Variants in SERPINF2 observed in about 807,000 individuals in gnomAD.
The protein encoded by SERPINF2 is serpin family F member 2.
In SERPINF2, 15 loss-of-function variants were observed where a neutral mutation model predicts 45.0. The ratio of observed to expected loss-of-function variants is 0.33; its 90% CI spans 0.22 to 0.51. The LOEUF (loss-of-function observed/expected upper bound fraction) is 0.51, where lower values mean the gene tolerates loss of function less well. Ranked by LOEUF, SERPINF2 falls within the 20% of genes least tolerant of loss-of-function variation. SERPINF2 has a pLI of 0.97. For synonymous variants in SERPINF2, 283 were observed against 277.9 expected (o/e 1.02, Z -0.18); for missense variants, 518 against 637.4 (o/e 0.81, Z 2.02).
intron 9 of SERPINF2, among the ~76,000 whole-genome samples, chr17:1,753,685 C>A (rs760410809): frequency 6.6e-6 from 1 of 151,114 alleles, no homozygotes; most frequent in Non-Finnish European, 1.5e-5. Context: ...GACTCCATCT[C>A]AAAAAAAAAT....
In SERPINF2 at chr17:1,754,455, G is replaced by A. The variant is rs577213142; in HGVS notation, c.1397G>A (p.Gly466Glu). 323 of 1,608,782 alleles carry A rather than the reference G, an allele frequency of 2.0e-4. 1 individual carries two copies. In the South Asian group the frequency reaches 3.4e-3, roughly 17 times the overall value. Residue 466 changes from glycine to glutamate, a missense_variant, in exon 10 of 10, where the codon GGA becomes GAA. By Grantham distance (98) the Gly-to-Glu change is moderately conservative. Coordinates refer to ENST00000453066, the MANE Select transcript of SERPINF2 (RefSeq NM_000934.4). ...CAGAGCCTGAAAGGCTTCCCCCGCGGAGACAAGCTTTTCGGCCCTGACTTA... is the reference window on the plus strand; with the variant it reads ...CAGAGCCTGAAAGGCTTCCCCCGCGAAGACAAGCTTTTCGGCCCTGACTTA... ...FLQSLKGFPR[G>E]DKLFGPDLKL...
intron 9 of SERPINF2, 57 bp downstream of exon 9, chr17:1,752,847 A>G: frequency 6.7e-7 from 1 of 1,481,898 alleles, no homozygotes; most frequent in Non-Finnish European, 9.2e-7. Context: ...GCGGGTAAGG[A>G]GGAAGCGTCT....
chr17:1,750,217 C>T (rs1047203771), intron 8 of SERPINF2, among the ~76,000 whole-genome samples: 2 of 152,252 alleles, frequency 1.3e-5, no homozygotes, highest in African/African-American at 2.4e-5. Context: ...GGTGCAATCT[C>T]GGTTCACTGC....
intron 1 of SERPINF2, 197 bp from the exon 2 acceptor site, chr17:1,744,795 A>G (rs1292065254): frequency 1.0e-6 from 1 of 985,298 alleles, no homozygotes; most frequent in East Asian, 1.1e-4. Flanking sequence ...AAAGGGGGAG[A>G]AGCCAGGGCG....
Position 1,747,305 on chromosome 17 carries a change from G to C in SERPINF2, c.512-4G>C. ...TGGGAACAGCTTGTGCTGCCTCCGT[G>C]CAGGATTTCCCATCAAAGAAGATTT... On this transcript the variant is annotated splice_polypyrimidine_tract_variant and splice_region_variant and intron_variant, in intron 6 of 9. Transcript: ENST00000453066. 1 of 1,613,742 alleles carries C rather than the reference G, an allele frequency of 6.2e-7. No homozygotes were observed. Among genetic ancestry groups the C allele is most frequent in the East Asian group, 2.2e-5 (1 of 44,886 alleles).
Position 1,747,447 on chromosome 17 carries a change from A to C in SERPINF2, c.650A>C (p.Gln217Pro). 2.5e-6 allele frequency: 4 copies of C among 1,614,190 alleles called. No homozygotes were observed. The highest frequency in any genetic ancestry group is 3.4e-6 in the Non-Finnish European group (4 of 1,180,036). ...AAGGAGGCCACGGAGGGGAAGATTC[A>C]GGAATTCCTCTCTGGGCTGCCGGAA... ...WVKEATEGKI[Q>P]EFLSGLPEDT... is the part of the protein sequence containing the mutation. Residue 217 changes from glutamine to proline, a missense_variant, in exon 7 of 10, where the codon CAG becomes CCG. Coordinates refer to ENST00000453066, the MANE Select transcript of SERPINF2 (RefSeq NM_000934.4).
At chr17:1,751,322 G>A (rs560434851) in intron 8 of SERPINF2, among the ~76,000 whole-genome samples, 2 of 151,936 alleles carry the variant, frequency 1.3e-5, no homozygotes, top group Non-Finnish European at 2.9e-5. Context: ...GATGGTGAGC[G>A]CCTGTAGTCC....
At position 1,745,411 on chromosome 17, in the gene SERPINF2, G is replaced by C; in HGVS notation, c.165+16G>C. 1 of 1,611,860 alleles carries C rather than the reference G, an allele frequency of 6.2e-7. No homozygotes were observed. On this transcript the variant is annotated intron_variant, in intron 4 of 9. Transcript: ENST00000453066. This position sits in a 1 kb window ranked among gnomAD's most constrained non-coding sequence, Gnocchi z 6.2. Reference sequence around the variant, plus strand: ...GGGCAACCAGGTACAACCAGGTGGGGCTGGGGAAGAGTGGGCGGGGCTAGA... The same window carrying C: ...GGGCAACCAGGTACAACCAGGTGGGCCTGGGGAAGAGTGGGCGGGGCTAGA...
chr17:1,750,549 A>T (rs1906294380), intron 8 of SERPINF2, among the ~76,000 whole-genome samples: 1 of 151,958 alleles, frequency 6.6e-6, no homozygotes, highest in Non-Finnish European at 1.5e-5. Flanking sequence ...TGGCCTCCCA[A>T]AGTGCTGGGA....
At chr17:1,753,367 C>G (rs1285638416) in intron 9 of SERPINF2, among the ~76,000 whole-genome samples, 2 of 152,048 alleles carry the variant, frequency 1.3e-5, no homozygotes, top group African/African-American at 2.4e-5. Context: ...CCAGCCTCAG[C>G]AAAAGAACTA....
At position 1,748,693 on chromosome 17, in the gene SERPINF2, C is replaced by G; in HGVS notation, c.811C>G (p.Arg271Gly). 2 of 1,574,482 alleles carry G rather than the reference C, an allele frequency of 1.3e-6. No individual in the cohort carries two copies. Among genetic ancestry groups the G allele is most frequent in the Non-Finnish European group, 1.7e-6 (2 of 1,143,862 alleles). ...FTVPVEMMQA[R>G]TYPLRWFLLE... Reference sequence around the variant, plus strand: ...GGTGCCCGTGGAAATGATGCAGGCCCGCACGTACCCGCTGCGCTGGTTCTT... The same window carrying G: ...GGTGCCCGTGGAAATGATGCAGGCCGGCACGTACCCGCTGCGCTGGTTCTT... The change falls in exon 8 of 10, where the codon CGC becomes GGC. Residue 271 changes from arginine (R) to glycine (G), a missense_variant. Arg to Gly is a moderately radical substitution (Grantham distance 125). Transcript: ENST00000453066.
chr17:1,744,524 A>G, intron 1 of SERPINF2: 2 of 984,178 alleles, frequency 2.0e-6, no homozygotes, highest in Non-Finnish European at 2.4e-6. Context: ...TCCCAAAAAG[A>G]CGGTCTTATT....
Position 1,752,696 on chromosome 17 carries a change from C to T in SERPINF2, c.969C>T (p.His323=). The T allele has an allele frequency of 6.2e-7, 1 of 1,614,146 alleles. No individual in the cohort carries two copies. Among genetic ancestry groups the T allele is most frequent in the South Asian group, 1.1e-5 (1 of 91,088 alleles). The change falls in exon 9 of 10, where the codon CAC becomes CAT. Residue 323 remains histidine (H), a synonymous_variant. Coordinates refer to ENST00000453066, the MANE Select transcript of SERPINF2 (RefSeq NM_000934.4). ...CCAACCTGAGTTGGGACACCCTGCA[C>T]CCACCTCTGGTGTGGGAGAGGCCCA... The part of the protein sequence containing the change: ...VLANLSWDTL[H]PPLVWERPTK...
rs532370061 is a variant in SERPINF2 at position 1,751,686 on chromosome 17, G to A, written c.859-900G>A. On this transcript the variant is annotated intron_variant, in intron 8 of 9. Coordinates refer to ENST00000453066, the MANE Select transcript of SERPINF2 (RefSeq NM_000934.4). ...GAAGAATGGCGTGAATCCACGAGGC[G>A]GAGGTTGCGGTGAGCCGAGATTGCG... Among the ~76,000 whole-genome samples the A allele has an allele frequency of 2.9e-5, 4 of 136,972 alleles. 1 individual carries two copies. Among genetic ancestry groups the A allele is most frequent in the African/African-American group, 7.4e-5 (3 of 40,468 alleles). The allele number at this position is 136,972 out of a possible 152,430, so 89.9% of individuals were successfully genotyped here. A position where few individuals can be genotyped will look rare whatever the true frequency, so the allele number is the denominator to read the frequency against.
At chr17:1,743,817 C>G (rs1030641052) in intron 1 of SERPINF2, among the ~76,000 whole-genome samples, 2 of 151,790 alleles carry the variant, frequency 1.3e-5, no homozygotes, top group African/African-American at 4.8e-5. Flanking sequence ...GGGCAGGCTT[C>G]CCAGAAGAGG....
At chr17:1,747,855 C>T (rs541645773) in intron 7 of SERPINF2, among the ~76,000 whole-genome samples, 158 of 151,828 alleles carry the variant, frequency 1.0e-3, no homozygotes, top group African/African-American at 3.6e-3. Flanking sequence ...TGAGCCACCG[C>T]GCCCGGCCAT....
At chr17:1,746,350 C>T (rs1294415103) in intron 5 of SERPINF2, among the ~76,000 whole-genome samples, 2 of 152,004 alleles carry the variant, frequency 1.3e-5, no homozygotes, top group African/African-American at 4.8e-5. Flanking sequence ...GATTCCTGGG[C>T]CCCCACCCAT....
chr17:1,754,917 C>T lies in SERPINF2; in HGVS notation c.*383C>T, dbSNP rs375371946. The T allele has an allele frequency of 3.0e-4, 88 of 288,940 alleles. 1 individual carries two copies. In the South Asian group the frequency reaches 3.8e-3, roughly 12 times the overall value. 17.9% of individuals were successfully genotyped at this position (288,940 alleles called of 1,614,324 possible). A position where few individuals can be genotyped will look rare whatever the true frequency, so the allele number is the denominator to read the frequency against. On this transcript the variant is annotated 3_prime_UTR_variant, in exon 10 of 10. Transcript: ENST00000453066. ...GAGAGGGCTGCCTTTGGACTTGTCC[C>T]GGGACACCTAGGCTAGGGTGGGGAG...
chr17:1,748,517 T>TGGTCCCCA, intron 7 of SERPINF2, 81 bp from the exon 8 acceptor site: 4 of 1,573,870 alleles, frequency 2.5e-6, no homozygotes. Context: ...GAGCCCAAGC[T>TGGTCCCCA]GGTCCCCATC....
Sources: allele counts gnomAD v4.1 joint callset (sites outside exome capture counted in the v4.1 genomes callset), GRCh38; gene constraint gnomAD v4.1.1; non-coding constraint Gnocchi (gnomAD v3.1); transcripts MANE v1.5; gene names NCBI Gene and HGNC (gene_info 2026-07-23, HGNC 2026-07-21).